The following ZNF462 variants were observed in gnomAD, a reference collection of about 807,000 sequenced individuals.
ZNF462 encodes the protein zinc finger PBX1-interacting protein.
A neutral mutation model predicts 201.9 loss-of-function variants in ZNF462; 10 were observed. That is an observed-to-expected ratio of 0.05 (90% CI 0.03 to 0.08). The LOEUF (loss-of-function observed/expected upper bound fraction) is 0.08, where lower values mean the gene tolerates loss of function less well. ZNF462 is among the 10% of genes least tolerant of loss of function. The probability of loss-of-function intolerance (pLI) is 1.00; values close to 1 mark genes in which losing one functional copy is unlikely to be tolerated. For missense variants in ZNF462, 2,523 were observed against 3,168.3 expected, an observed-to-expected ratio of 0.80 and a Z score of 4.89; for synonymous variants, 1,227 against 1,193.3, an observed-to-expected ratio of 1.03 and a Z score of -0.58.
chr9:106,928,413 G>A lies in ZNF462; in HGVS notation c.4501G>A (p.Ala1501Thr). 1 of 1,614,164 alleles carries A rather than the reference G, an allele frequency of 6.2e-7. No individual in the cohort carries two copies. The highest frequency in any genetic ancestry group is 8.5e-7 in the Non-Finnish European group (1 of 1,180,026). ...GCACCCTGGCATGAAAGTGAAGGCT[G>A]CTGACTTTGCCCAGGACATTGACAT... Reference protein sequence around the residue: ...KKHPGMKVKAADFAQDIDINP... With the variant: ...KKHPGMKVKATDFAQDIDINP... Residue 1501 changes from alanine to threonine, a missense_variant, in exon 3 of 13, where the codon GCT (alanine) becomes ACT (threonine). This residue lies in a region of ZNF462 where 200 missense variants were observed against 281.3 expected (regional missense o/e 0.71). Transcript: ENST00000277225. The surrounding 1 kb of genome is among the most constrained non-coding windows in gnomAD (Gnocchi z 9.3).
At chr9:107,007,018 T>A (rs1829596722) in intron 11 of ZNF462, among the ~76,000 whole-genome samples, 1 of 152,172 alleles carries the variant, frequency 6.6e-6, no homozygotes, top group South Asian at 2.1e-4. Flanking sequence ...TTAACATCTC[T>A]GCACTGTTAC....
At chr9:106,862,828 C>A (rs1455516291), upstream of ZNF462, among the ~76,000 whole-genome samples, 6 of 152,196 alleles carry the variant, frequency 3.9e-5, no homozygotes, top group Non-Finnish European at 7.4e-5. This position sits in a 1 kb window ranked among gnomAD's most constrained non-coding sequence, Gnocchi z 4.2. Flanking sequence ...AGCCTTTTTC[C>A]TCATTTCTTT....
intron 10 of ZNF462, among the ~76,000 whole-genome samples, chr9:106,986,614 T>C (rs891653329): frequency 2.0e-5 from 3 of 152,196 alleles, no homozygotes; most frequent in Non-Finnish European, 4.4e-5. Flanking sequence ...ACACGGTCTT[T>C]TTTAAAAATT....
chr9:106,927,137 C>A lies in ZNF462; in HGVS notation c.3225C>A (p.Gly1075=), dbSNP rs1830227591. 1 of 1,614,048 alleles carries A rather than the reference C, an allele frequency of 6.2e-7. No homozygotes were observed. Among genetic ancestry groups the A allele is most frequent in the Non-Finnish European group, 8.5e-7 (1 of 1,180,044 alleles). Residue 1075 remains glycine, a synonymous_variant, in exon 3 of 13, where the codon GGC becomes GGA. Coordinates refer to ENST00000277225, the MANE Select transcript of ZNF462 (RefSeq NM_021224.6). ...KTMRMVSVDR[G]SALSQLSFEV... is the part of the protein sequence containing the mutation. The stretch of plus-strand genomic sequence containing the variant: ...TGCGAATGGTGTCTGTGGACAGGGG[C>A]TCTGCCCTTTCTCAATTATCATTTG...
At chr9:106,862,650 GCT>G (rs1299108063), upstream of ZNF462, among the ~76,000 whole-genome samples, 1 of 151,826 alleles carries the variant, frequency 6.6e-6, no homozygotes, top group Non-Finnish European at 1.5e-5. The surrounding 1 kb of genome is among the most constrained non-coding windows in gnomAD (Gnocchi z 4.2). Context: ...CACTGGCCTG[GCT>G]CTGAGTGACA....
chr9:106,889,449 C>G (rs1588005042), intron 1 of ZNF462, among the ~76,000 whole-genome samples: 4 of 152,262 alleles, frequency 2.6e-5, no homozygotes, highest in Admixed American at 2.6e-4. Context: ...TAAAAGGGAA[C>G]AGGGCTGGAG....
At chr9:106,894,053 T>C (rs181316260) in intron 1 of ZNF462, among the ~76,000 whole-genome samples, 5 of 152,382 alleles carry the variant, frequency 3.3e-5, no homozygotes, top group East Asian at 1.9e-4. Context: ...ATCCTTGTTA[T>C]AATCCTATGA....
rs746427783 is a variant in ZNF462, at chr9:106,959,409, CACTT to C, written c.6428-12591_6428-12588del. 5.3e-5 allele frequency among the ~76,000 whole-genome samples: 8 copies of C among 152,120 alleles called. No individual in the cohort carries two copies. The East Asian group carries it at 7.7e-4, about 15-fold the overall frequency. On this transcript the variant is annotated intron_variant, in intron 7 of 12. Transcript: ENST00000277225. ...CCATCCATAGAACACACTCCATAAA[CACTT>C]ACTTGGTGCAGAATTGATATAATGC...
intron 5 of ZNF462, among the ~76,000 whole-genome samples, chr9:106,934,390 G>C (rs1378966315): frequency 6.6e-6 from 1 of 152,116 alleles, no homozygotes; most frequent in Non-Finnish European, 1.5e-5. Flanking sequence ...ATGATTGAAG[G>C]AATGGATTTG....
chr9:106,898,042 T>C (rs1212401925), intron 1 of ZNF462, among the ~76,000 whole-genome samples: 3 of 152,228 alleles, frequency 2.0e-5, no homozygotes, highest in Non-Finnish European at 4.4e-5. Context: ...TTTCCCCACA[T>C]TTATACATTT....
upstream of ZNF462, among the ~76,000 whole-genome samples, chr9:106,860,825 CAGG>C (rs1258278890): frequency 6.6e-6 from 1 of 152,102 alleles, no homozygotes; most frequent in East Asian, 1.9e-4. The surrounding 1 kb of genome is among the most constrained non-coding windows in gnomAD (Gnocchi z 7.1). Context: ...GAGCTCGGGG[CAGG>C]AGGACTTCCC....
At chr9:106,964,971 G>A (rs751999657) in intron 7 of ZNF462, among the ~76,000 whole-genome samples, 1 of 152,046 alleles carries the variant, frequency 6.6e-6, no homozygotes, top group African/African-American at 2.4e-5. Context: ...ATGTTTTAAG[G>A]TCAGAGACAT....
Position 106,984,227 on chromosome 9 carries a change from T to C in ZNF462, c.6874T>C (p.Ser2292Pro). The C allele has an allele frequency of 6.2e-7, 1 of 1,614,116 alleles. No homozygotes were observed. Among genetic ancestry groups the C allele is most frequent in the Non-Finnish European group, 8.5e-7 (1 of 1,179,974 alleles). Residue 2292 changes from serine (S) to proline (P), a missense_variant, in exon 10 of 13, where the codon TCC becomes CCC. Physicochemically the swap from Ser to Pro is moderately conservative, Grantham distance 74 (BLOSUM62 -1). This residue lies in a region of ZNF462 where 228 missense variants were observed against 361.2 expected (regional missense o/e 0.63). Coordinates refer to ENST00000277225, the MANE Select transcript of ZNF462 (RefSeq NM_021224.6). This position sits in a 1 kb window ranked among gnomAD's most constrained non-coding sequence, Gnocchi z 6.4. ...VPIEVCRSKL[S>P]KYLQGVVFRC... ...CATTGAAGTTTGCCGGTCCAAACTGTCCAAATACTTGCAGGGAGTAGTTTT... is the reference window on the plus strand; with the variant it reads ...CATTGAAGTTTGCCGGTCCAAACTGCCCAAATACTTGCAGGGAGTAGTTTT...
chr9:107,008,532 C>T lies in ZNF462; in HGVS notation c.7190-1013C>T, dbSNP rs752940479. ...TAAAGATGATCAACACTTCCCTGTG[C>T]GATGCCCTCACTTTGCAACACGGCT... On this transcript the variant is annotated intron_variant, in intron 11 of 12. Coordinates refer to ENST00000277225, the MANE Select transcript of ZNF462 (RefSeq NM_021224.6). This position sits in a 1 kb window ranked among gnomAD's most constrained non-coding sequence, Gnocchi z 4.8. Among the ~76,000 whole-genome samples, 4 of 152,122 alleles carry T rather than the reference C, an allele frequency of 2.6e-5. No homozygotes were observed. Among genetic ancestry groups the T allele is most frequent in the Admixed American group, 6.6e-5 (1 of 15,266 alleles).
chr9:107,010,814 T>C lies in ZNF462; in HGVS notation c.7314-9T>C. On this transcript the variant is annotated splice_polypyrimidine_tract_variant and intron_variant, in intron 12 of 12. Coordinates refer to ENST00000277225, the MANE Select transcript of ZNF462 (RefSeq NM_021224.6). This position sits in a 1 kb window ranked among gnomAD's most constrained non-coding sequence, Gnocchi z 4.6. ...TACTCATCTGTCTCTTCGATAAATG[T>C]TTTTCCAGGGCATTGAATGACACCA... The C allele has an allele frequency of 6.2e-7, 1 of 1,608,902 alleles. No individual in the cohort carries two copies. The highest frequency in any genetic ancestry group is 8.5e-7 in the Non-Finnish European group (1 of 1,177,556).
chr9:106,954,949 T>C lies in ZNF462; in HGVS notation c.6427+15842T>C, dbSNP rs1831510632. 6.6e-6 allele frequency among the ~76,000 whole-genome samples: 1 copy of C among 152,092 alleles called. No homozygotes were observed. Among genetic ancestry groups the C allele is most frequent in the Non-Finnish European group, 1.5e-5 (1 of 68,012 alleles). On this transcript the variant is annotated intron_variant, in intron 7 of 12. Transcript: ENST00000277225. This position sits in a 1 kb window ranked among gnomAD's most constrained non-coding sequence, Gnocchi z 4.0. ...GAGTAGATGTCCTGTAAATGTAAAA[T>C]GAAAATTTGTTGTGTCCTGTAAATA...
chr9:106,995,378 C>G (rs956165987), intron 10 of ZNF462: 1 of 152,020 alleles, frequency 6.6e-6, no homozygotes, highest in African/African-American at 2.4e-5. Flanking sequence ...GAAAAAAATT[C>G]GGAAAGGATG....
intron 1 of ZNF462, among the ~76,000 whole-genome samples, chr9:106,916,250 G>A (rs1040859510): frequency 3.9e-5 from 6 of 152,114 alleles, no homozygotes; most frequent in Admixed American, 1.3e-4. Context: ...TGTGAGGCAC[G>A]AACACTTTGG....
rs545478658 is a variant in ZNF462 at position 106,945,796 on chromosome 9, G to A, written c.6427+6689G>A. On this transcript the variant is annotated intron_variant, in intron 7 of 12. Transcript: ENST00000277225. ...TTAAGAGGTCTGCAACTTCAGTGGAGCAAAGTGGCATTGAAGACCCCGAAT... is the reference window on the plus strand; with the variant it reads ...TTAAGAGGTCTGCAACTTCAGTGGAACAAAGTGGCATTGAAGACCCCGAAT... Among the ~76,000 whole-genome samples, 5 of 152,274 alleles carry A rather than the reference G, an allele frequency of 3.3e-5. No individual in the cohort carries two copies. In the East Asian group the frequency reaches 9.7e-4, roughly 29 times the overall value.
Sources: gnomAD v4.1 joint callset for allele counts (sites outside exome capture counted in the v4.1 genomes callset) on GRCh38, gnomAD v4.1.1 for gene constraint, gnomAD v4.1.1 regional missense constraint, Gnocchi (gnomAD v3.1) non-coding constraint, MANE v1.5 for transcripts, NCBI Gene and HGNC (gene_info 2026-07-23, HGNC 2026-07-21) for gene names.